Variants in TBX19 observed in about 807,000 individuals in gnomAD.
The protein encoded by TBX19 is T-box transcription factor 19, also known as T-box transcription factor TBX19.
TBX19 carries 33 observed loss-of-function variants against 40.9 expected under a neutral mutation model. That is an observed-to-expected ratio of 0.81 (90% CI 0.61 to 1.08). TBX19 has a LOEUF of 1.08. Ranked by LOEUF, TBX19 falls within the 50% of genes least tolerant of loss-of-function variation. TBX19 has a pLI of 0.00. For missense variants in TBX19, 494 were observed against 574.0 expected (o/e 0.86, Z 1.42); for synonymous variants, 220 against 225.0 (o/e 0.98, Z 0.20).
At chr1:168,291,498 G>T in intron 2 of TBX19, 74 bp downstream of exon 2, 1 of 1,606,020 alleles carries the variant, frequency 6.2e-7, no homozygotes, top group Non-Finnish European at 8.5e-7. Flanking sequence ...TATCAAGGGT[G>T]CATTTAGGCA....
intron 1 of TBX19, among the ~76,000 whole-genome samples, chr1:168,284,667 T>G (rs1648760266): frequency 6.7e-6 from 1 of 150,230 alleles, no homozygotes. Flanking sequence ...TCCCAGCTAC[T>G]TGGGAGGCTG....
At chr1:168,288,566 G>A (rs545660635) in intron 1 of TBX19, among the ~76,000 whole-genome samples, 2 of 152,230 alleles carry the variant, frequency 1.3e-5, no homozygotes, top group South Asian at 4.2e-4. Flanking sequence ...CTCGCCTTAA[G>A]TCATTTCTTA....
chr1:168,300,399 G>T, intron 4 of TBX19, 23 bp from the exon 5 acceptor site: 1 of 1,613,468 alleles, frequency 6.2e-7, no homozygotes, highest in African/African-American at 1.3e-5. Flanking sequence ...GACAGCCATG[G>T]TGCATTTTCT....
At chr1:168,309,609 C>T (rs1339583126) in intron 7 of TBX19, among the ~76,000 whole-genome samples, 1 of 152,102 alleles carries the variant, frequency 6.6e-6, no homozygotes, top group East Asian at 1.9e-4. Context: ...GGCCTCACGA[C>T]CCTGGTAACA....
Position 168,300,436 on chromosome 1 carries a change from A to G in TBX19, c.680A>G (p.Asp227Gly), listed in dbSNP as rs530483096. The change falls in exon 5 of 8, where the codon GAC (aspartate) becomes GGC (glycine). Residue 227 changes from aspartate to glycine, a missense_variant. Around this residue, in one of 3 missense-constraint regions of TBX19, gnomAD observed 284 missense variants for 307.3 expected, o/e 0.92. Coordinates refer to ENST00000367821, the MANE Select transcript of TBX19 (RefSeq NM_005149.3). ...LDAKERNHLR[D>G]VPEAISESQH... ...TACTCTTTCAGAAATCACCTAAGAG[A>G]CGTACCGGAGGCTATCTCTGAGAGC... 4.5e-5 allele frequency: 72 copies of G among 1,614,110 alleles called. No homozygotes were observed. The South Asian group carries it at 7.2e-4, about 16-fold the overall frequency.
At chr1:168,301,861 A>T (rs561605077) in intron 5 of TBX19, among the ~76,000 whole-genome samples, 22 of 152,300 alleles carry the variant, frequency 1.4e-4, no homozygotes, top group African/African-American at 4.6e-4. Flanking sequence ...CAGGAACAAA[A>T]ATGCCTTTAA....
At position 168,305,144 on chromosome 1, in the gene TBX19, C is replaced by G. The variant is rs769885677; in HGVS notation, c.864C>G (p.His288Gln). Residue 288 changes from histidine to glutamine, a missense_variant, in exon 6 of 8, where the codon CAC becomes CAG. This residue lies in a region of TBX19 where 284 missense variants were observed against 307.3 expected (regional missense o/e 0.92). Coordinates refer to ENST00000367821, the MANE Select transcript of TBX19 (RefSeq NM_005149.3). ...GCEHYSGLRG[H>Q]RQAPYPSAYM... ...AGCACTATTCGGGTCTCCGAGGACA[C>G]CGGCAGGCTCCCTACCCTTCTGCGT... is the stretch of plus-strand genomic sequence containing the variant. 1.2e-6 allele frequency: 2 copies of G among 1,613,844 alleles called. No individual in the cohort carries two copies.
At chr1:168,284,539 C>T (rs761025089) in intron 1 of TBX19, among the ~76,000 whole-genome samples, 2 of 151,932 alleles carry the variant, frequency 1.3e-5, no homozygotes, top group African/African-American at 4.8e-5. Context: ...AGCCAGGAGG[C>T]CCAGGTAGGT....
chr1:168,291,486 A>T, intron 2 of TBX19, 62 bp downstream of exon 2: 1 of 1,611,738 alleles, frequency 6.2e-7, no homozygotes, highest in Non-Finnish European at 8.5e-7. Flanking sequence ...CCAATCAAGA[A>T]ATATCAAGGG....
At chr1:168,310,062 G>A (rs971496135) in intron 7 of TBX19, among the ~76,000 whole-genome samples, 5 of 152,144 alleles carry the variant, frequency 3.3e-5, no homozygotes, top group African/African-American at 1.2e-4. Flanking sequence ...AGCACTTTGG[G>A]AGGCCGAGGC....
In TBX19 at chr1:168,281,019, C is replaced by A; in HGVS notation, c.-72C>A. On this transcript the variant is annotated 5_prime_UTR_variant, in exon 1 of 8. Transcript: ENST00000367821. ...TGTTCAAGTGGGTTTGAAAAGCAGG[C>A]AAGTGAGGGAAGGAAGAAGCTAGAA... The A allele has an allele frequency of 6.9e-7, 1 of 1,446,108 alleles. No homozygotes were observed. The highest frequency in any genetic ancestry group is 9.7e-7 in the Non-Finnish European group (1 of 1,034,550). The allele number at this position is 1,446,108 out of a possible 1,614,324, so 89.6% of individuals were successfully genotyped here.
chr1:168,287,777 A>G (rs536013341), intron 1 of TBX19, among the ~76,000 whole-genome samples: 11 of 152,196 alleles, frequency 7.2e-5, no homozygotes, highest in Non-Finnish European at 1.6e-4. Context: ...CATTTGTCAA[A>G]TGGGCAAATA....
chr1:168,309,467 G>A (rs1349399980), intron 7 of TBX19, among the ~76,000 whole-genome samples: 2 of 152,198 alleles, frequency 1.3e-5, no homozygotes, highest in Admixed American at 6.5e-5. Flanking sequence ...AACTATGGTG[G>A]TAGCAAATAG....
intron 4 of TBX19, 21 bp from the exon 5 acceptor site, chr1:168,300,401 G>A (rs772364170): frequency 3.1e-6 from 5 of 1,613,536 alleles, no homozygotes; most frequent in South Asian, 1.1e-5. Context: ...CAGCCATGGT[G>A]CATTTTCTTT....
intron 3 of TBX19, among the ~76,000 whole-genome samples, chr1:168,297,261 A>G (rs1475686579): frequency 6.6e-6 from 1 of 152,222 alleles, no homozygotes; most frequent in East Asian, 1.9e-4. Flanking sequence ...TCGATGCTAG[A>G]TGGCACTCAT....
intron 1 of TBX19, among the ~76,000 whole-genome samples, chr1:168,285,640 C>T (rs1329844424): frequency 1.3e-5 from 2 of 152,228 alleles, no homozygotes; most frequent in African/African-American, 4.8e-5. Context: ...CCACATTTTC[C>T]TCTCTTTCTC....
intron 4 of TBX19, among the ~76,000 whole-genome samples, chr1:168,298,179 G>C (rs1375177604): frequency 6.6e-6 from 1 of 152,168 alleles, no homozygotes; most frequent in Non-Finnish European, 1.5e-5. Context: ...CTGGGCGACA[G>C]AGCGAGACTC....
intron 5 of TBX19, among the ~76,000 whole-genome samples, chr1:168,302,543 T>A (rs1401396883): frequency 6.6e-6 from 1 of 152,114 alleles, no homozygotes; most frequent in African/African-American, 2.4e-5. Flanking sequence ...TAAGTCTCAG[T>A]CTTTGCCCAT....
At chr1:168,283,353 C>T (rs1193469591) in intron 1 of TBX19, among the ~76,000 whole-genome samples, 1 of 152,032 alleles carries the variant, frequency 6.6e-6, no homozygotes, top group East Asian at 1.9e-4. Context: ...TCTCGGAGCC[C>T]TTTAGGGTCA....
Sources: allele counts gnomAD v4.1 joint callset (sites outside exome capture counted in the v4.1 genomes callset), GRCh38; gene constraint gnomAD v4.1.1; regional missense constraint gnomAD v4.1.1; transcripts MANE v1.5; gene names NCBI Gene and HGNC (gene_info 2026-07-23, HGNC 2026-07-21).